The following ZNF607 variants were observed in gnomAD, a reference collection of about 807,000 sequenced individuals.
ZNF607 encodes the protein zinc finger protein 607.
A neutral mutation model predicts 12.8 loss-of-function variants in ZNF607; 5 were observed. The observed-to-expected ratio is 0.39, with a 90% CI of 0.20 to 0.82. The LOEUF is 0.82. Ranked by LOEUF, ZNF607 falls within the 40% of genes least tolerant of loss-of-function variation. The probability of loss-of-function intolerance (pLI) is 0.39; values close to 1 mark genes in which losing one functional copy is unlikely to be tolerated. For synonymous variants in ZNF607, 287 were observed against 276.2 expected (o/e 1.04, Z -0.39); for missense variants, 851 against 859.2 (o/e 0.99, Z 0.12).
chr19:37,706,592 GAGGTA>G (rs2045086181), intron 4 of ZNF607: 1 of 152,182 alleles, frequency 6.6e-6, no homozygotes, highest in Admixed American at 6.5e-5. Context: ...TGCTGAGGAG[GAGGTA>G]AGGTATTTCA....
At chr19:37,719,204 C>G (rs894840094) in intron 1 of ZNF607, 65 bp downstream of exon 1, 3 of 153,158 alleles carry the variant, frequency 2.0e-5, no homozygotes, top group Non-Finnish European at 2.9e-5. Context: ...CCACAGAGCC[C>G]AGCGAAGCAC....
rs185903615 is a variant in ZNF607 at position 37,700,587 on chromosome 19, C to T, written c.236-692G>A. On this transcript the variant is annotated intron_variant, in intron 4 of 4. Transcript: ENST00000355202. ...AACATAAAGGGTAAGGAAATCATGA[C>T]GGAGAAAATGGGTACACATCATAAT... Among the ~76,000 whole-genome samples, 3 of 152,130 alleles carry T rather than the reference C, an allele frequency of 2.0e-5. No homozygotes were observed. In the East Asian group the frequency reaches 5.8e-4, roughly 29 times the overall value.
At position 37,698,400 on chromosome 19, in the gene ZNF607, T is replaced by C. The variant is rs752600785; in HGVS notation, c.1731A>G (p.Ile577Met). Reference sequence around the variant, plus strand: ...CACCAGCATGAGTTCGGTCATGATATATGAGGCTTGTGGCATGACGAAAGG... The same window carrying C: ...CACCAGCATGAGTTCGGTCATGATACATGAGGCTTGTGGCATGACGAAAGG... ...GKAFRHATSLIYHDRTHAGEK... is the reference protein window; with the variant it reads ...GKAFRHATSLMYHDRTHAGEK... The change falls in exon 5 of 5, where the codon ATA (isoleucine) becomes ATG (methionine). Residue 577 changes from isoleucine to methionine, a missense_variant. By Grantham distance (10) the Ile-to-Met change is conservative. Transcript: ENST00000355202. The C allele has an allele frequency of 5.0e-6, 8 of 1,614,192 alleles. No homozygotes were observed. The South Asian group carries it at 7.7e-5, about 16-fold the overall frequency.
chr19:37,706,486 A>G (rs77198739), intron 4 of ZNF607: 26 of 152,098 alleles, frequency 1.7e-4, no homozygotes, highest in African/African-American at 6.3e-4. Context: ...GTCTTTATTT[A>G]TGTCTTCTCT....
chr19:37,698,241 T>A lies in ZNF607; in HGVS notation c.1890A>T (p.Ser630=). The change falls in exon 5 of 5, where the codon TCA becomes TCT. Residue 630 remains serine (S), a synonymous_variant. Transcript: ENST00000355202. ...KRCGKAFHCA[S]YLVRHESVHA... is the part of the protein sequence containing the mutation. ...GAACGCTTTCATGTCTAACAAGATA[T>A]GAGGCACAGTGAAATGCCTTCCCAC... is the stretch of plus-strand genomic sequence containing the variant. The A allele has an allele frequency of 6.2e-7, 1 of 1,614,216 alleles. No individual in the cohort carries two copies.
rs929679622 is a variant in ZNF607 at position 37,696,570 on chromosome 19, C to T, written c.*1470G>A. ...GGCGAAAGGTGGTGTTACGAATCAT[C>T]GGGGCTGTGGCCCAGTTGCCTCACG... On this transcript the variant is annotated 3_prime_UTR_variant, in exon 5 of 5. Transcript: ENST00000355202. The T allele has an allele frequency of 4.7e-5, 24 of 515,960 alleles. No homozygotes were observed. The highest frequency in any genetic ancestry group is 3.6e-4 in the Admixed American group (11 of 30,464). 32.0% of individuals were successfully genotyped at this position (515,960 alleles called of 1,614,324 possible).
In ZNF607 at chr19:37,698,900, G is replaced by A. The variant is rs765417033; in HGVS notation, c.1231C>T (p.His411Tyr). The A allele has an allele frequency of 9.9e-6, 16 of 1,613,878 alleles. No homozygotes were observed. In the South Asian group the frequency reaches 1.8e-4, roughly 18 times the overall value. Reference protein sequence around the residue: ...SFRLNSSLKIHQNIHTGEKPY... With the variant: ...SFRLNSSLKIYQNIHTGEKPY... ...TTCTCACCGGTATGAATATTTTGAT[G>A]TATTTTAAGGGATGAATTGAGCCTA... The change falls in exon 5 of 5, where the codon CAT becomes TAT. Residue 411 changes from histidine (H) to tyrosine (Y), a missense_variant. By Grantham distance (83) the His-to-Tyr change is moderately conservative (BLOSUM62 2). Transcript: ENST00000355202.
chr19:37,699,051 ACTTTCAAATG>A lies in ZNF607; in HGVS notation c.1070_1079del (p.Thr357MetfsTer165), dbSNP rs747005137. 6.2e-7 allele frequency: 1 copy of A among 1,614,128 alleles called. No individual in the cohort carries two copies. The highest frequency in any genetic ancestry group is 1.1e-5 in the South Asian group (1 of 91,078). On this transcript the variant is annotated frameshift_variant, in exon 5 of 5. Coordinates refer to ENST00000355202, the MANE Select transcript of ZNF607 (RefSeq NM_032689.5). LOFTEE classifies it low-confidence loss of function (END_TRUNC). Reference sequence around the variant, plus strand: ...CCTCACACTTATAAGGTTTCTCAACACTTTCAAATGTATGAGGTGCAGTAAGTTGATGGCC... The same window carrying A: ...CCTCACACTTATAAGGTTTCTCAACATATGAGGTGCAGTAAGTTGATGGCC...
At chr19:37,714,935 C>T (rs1005792715) in intron 1 of ZNF607, among the ~76,000 whole-genome samples, 7 of 151,788 alleles carry the variant, frequency 4.6e-5, no homozygotes, top group African/African-American at 9.7e-5. Flanking sequence ...GAAATGGAGT[C>T]GCGTTCTGTC....
Position 37,697,430 on chromosome 19 carries a change from C to T in ZNF607, c.*610G>A, listed in dbSNP as rs142866942. On this transcript the variant is annotated 3_prime_UTR_variant, in exon 5 of 5. Coordinates refer to ENST00000355202, the MANE Select transcript of ZNF607 (RefSeq NM_032689.5). ...TTTCTTCTGCGGGACCCTCTCACACCTGCTTCCACTCTGACCTCCACATCT... is the reference window on the plus strand; with the variant it reads ...TTTCTTCTGCGGGACCCTCTCACACTTGCTTCCACTCTGACCTCCACATCT... 7,508 of 932,672 alleles carry T rather than the reference C, an allele frequency of 8.0e-3. 52 individuals carry two copies. The highest frequency in any genetic ancestry group is 0.011 in the Non-Finnish European group (6,360 of 589,662). The allele number at this position is 932,672 out of a possible 1,614,324, so 57.8% of individuals were successfully genotyped here. A position where few individuals can be genotyped will look rare whatever the true frequency, so the allele number is the denominator to read the frequency against.
At position 37,697,657 on chromosome 19, in the gene ZNF607, T is replaced by G. The variant is rs911743291; in HGVS notation, c.*383A>C. On this transcript the variant is annotated 3_prime_UTR_variant, in exon 5 of 5. Transcript: ENST00000355202. ...AACAGAGGTTTCCTGTGTAATGGCT[T>G]TTTCCAGGTTTAACAATAAATGATT... 1.2e-5 allele frequency: 4 copies of G among 323,830 alleles called. No homozygotes were observed. Among genetic ancestry groups the G allele is most frequent in the African/African-American group, 8.6e-5 (4 of 46,554 alleles). The allele number at this position is 323,830 out of a possible 1,614,324, so 20.1% of individuals were successfully genotyped here.
chr19:37,710,625 AAC>A lies in ZNF607; in HGVS notation c.10-805_10-804del, dbSNP rs779140763. Among the ~76,000 whole-genome samples the A allele has an allele frequency of 1.4e-4, 21 of 152,302 alleles. No individual in the cohort carries two copies. In the East Asian group the frequency reaches 2.1e-3, roughly 15 times the overall value. ...TATACATATTTTTGAAGAAGCTTGA[AAC>A]ACAAATAAAACTTTCTGCCTGTTCT... On this transcript the variant is annotated intron_variant, in intron 2 of 4. Coordinates refer to ENST00000355202, the MANE Select transcript of ZNF607 (RefSeq NM_032689.5).
rs746114049 is a variant in ZNF607, at chr19:37,699,717, A to G, written c.414T>C (p.Ser138=). Residue 138 remains serine, a synonymous_variant, in exon 5 of 5, where the codon AGT becomes AGC. Transcript: ENST00000355202. ...ELMVHQTIHT[S]EEPDQCEKFR... ...ACTTTTCACATTGATCAGGTTCCTC[A>G]CTAGTATGAATTGTTTGATGTACCA... The G allele has an allele frequency of 1.3e-5, 21 of 1,614,048 alleles. No homozygotes were observed. The highest frequency in any genetic ancestry group is 1.8e-5 in the Non-Finnish European group (21 of 1,179,988).
chr19:37,699,356 C>T lies in ZNF607; in HGVS notation c.775G>A (p.Gly259Arg). 1 of 1,614,076 alleles carries T rather than the reference C, an allele frequency of 6.2e-7. No individual in the cohort carries two copies. The highest frequency in any genetic ancestry group is 2.2e-5 in the East Asian group (1 of 44,878). ...GEKPFECNKCGKSFRLKAGLK... is the reference protein window; with the variant it reads ...GEKPFECNKCRKSFRLKAGLK... ...CCTGCTTTGAGCCTAAAGGACTTCC[C>T]ACATTTGTTACATTCAAAGGGCTTC... The change falls in exon 5 of 5, where the codon GGG becomes AGG. Residue 259 changes from glycine to arginine, a missense_variant. Coordinates refer to ENST00000355202, the MANE Select transcript of ZNF607 (RefSeq NM_032689.5).
chr19:37,714,334 A>G (rs1599669594), intron 1 of ZNF607, among the ~76,000 whole-genome samples: 1 of 148,566 alleles, frequency 6.7e-6, no homozygotes, highest in East Asian at 2.0e-4. Context: ...AACAACAACA[A>G]CAACAACAGC....
chr19:37,704,353 A>C (rs2045063293), intron 4 of ZNF607, among the ~76,000 whole-genome samples: 1 of 152,214 alleles, frequency 6.6e-6, no homozygotes, highest in South Asian at 2.1e-4. Context: ...AAGAGGGCCC[A>C]CACAGTACAT....
rs1254946616 is a variant in ZNF607, at chr19:37,696,977, C to G, written c.*1063G>C. On this transcript the variant is annotated 3_prime_UTR_variant, in exon 5 of 5. Transcript: ENST00000355202. ...TCACCTGGCTGGAGACCAGCTCCCTCTGGGTGATTAGTTCTCCAGCATCAA... is the reference window on the plus strand; with the variant it reads ...TCACCTGGCTGGAGACCAGCTCCCTGTGGGTGATTAGTTCTCCAGCATCAA... 1.4e-6 allele frequency: 1 copy of G among 703,504 alleles called. No homozygotes were observed. Among genetic ancestry groups the G allele is most frequent in the African/African-American group, 1.7e-5 (1 of 57,190 alleles). The allele number at this position is 703,504 out of a possible 1,614,324, so 43.6% of individuals were successfully genotyped here.
intron 4 of ZNF607, among the ~76,000 whole-genome samples, chr19:37,704,657 A>C (rs966785104): frequency 2.0e-5 from 3 of 152,140 alleles, no homozygotes; most frequent in Non-Finnish European, 1.5e-5. Context: ...TGTTAGCATA[A>C]ATAACAACAA....
chr19:37,708,116 A>T (rs1203573896), intron 3 of ZNF607, 104 bp from the exon 4 acceptor site: 10 of 763,654 alleles, frequency 1.3e-5, no homozygotes, highest in Non-Finnish European at 1.2e-5. Context: ...ACTGAGTAAG[A>T]TTTTAGAGAA....
Sources: allele counts gnomAD v4.1 joint callset (sites outside exome capture counted in the v4.1 genomes callset), GRCh38; gene constraint gnomAD v4.1.1; transcripts MANE v1.5; gene names NCBI Gene and HGNC (gene_info 2026-07-23, HGNC 2026-07-21).